EGFLAM: variants seen among roughly 807,000 people sequenced by gnomAD.
EGFLAM encodes EGF like, fibronectin type III and laminin G domains.
A neutral mutation model predicts 113.1 loss-of-function variants in EGFLAM; 79 were observed. The ratio of observed to expected loss-of-function variants is 0.70; its 90% confidence interval spans 0.58 to 0.84. EGFLAM has a LOEUF of 0.84. Ranked by LOEUF, EGFLAM falls within the 40% of genes least tolerant of loss-of-function variation. EGFLAM has a pLI of 0.00. For missense variants in EGFLAM, 1,265 were observed against 1,291.6 expected, an observed-to-expected ratio of 0.98 and a Z score of 0.32; for synonymous variants, 504 against 487.6, an observed-to-expected ratio of 1.03 and a Z score of -0.44.
chr5:38,398,243 A>G (rs1347225990), intron 6 of EGFLAM, among the ~76,000 whole-genome samples: 1 of 152,222 alleles, frequency 6.6e-6, no homozygotes, highest in African/African-American at 2.4e-5. Flanking sequence ...TTATGGCTAA[A>G]CTACTCCAAA....
At chr5:38,420,492 A>C (rs1164945141) in intron 12 of EGFLAM, among the ~76,000 whole-genome samples, 1 of 152,100 alleles carries the variant, frequency 6.6e-6, no homozygotes, top group African/African-American at 2.4e-5. Flanking sequence ...GGATTTGAAA[A>C]ATTTTTGCAA....
chr5:38,439,886 C>T (rs768915918), intron 17 of EGFLAM, among the ~76,000 whole-genome samples: 16 of 152,068 alleles, frequency 1.1e-4, no homozygotes, highest in South Asian at 2.1e-4. Flanking sequence ...TTGTGCTTGC[C>T]GTATATCTAA....
At chr5:38,343,575 T>G (rs753547066) in intron 3 of EGFLAM, among the ~76,000 whole-genome samples, 2 of 152,172 alleles carry the variant, frequency 1.3e-5, no homozygotes, top group Non-Finnish European at 2.9e-5. Flanking sequence ...CCAAAGCCAA[T>G]GCTGCCCCTG....
chr5:38,319,253 G>T (rs374093307), intron 1 of EGFLAM, among the ~76,000 whole-genome samples: 25 of 152,116 alleles, frequency 1.6e-4, no homozygotes, highest in African/African-American at 4.6e-4. Context: ...CAAGACAGGG[G>T]TCTGATGTGG....
chr5:38,462,085 G>T (rs1489503288), intron 20 of EGFLAM, among the ~76,000 whole-genome samples: 2 of 152,088 alleles, frequency 1.3e-5, no homozygotes, highest in Non-Finnish European at 2.9e-5. Flanking sequence ...GGAGAATGGC[G>T]TGAACCCCGG....
chr5:38,404,215 A>G (rs1294618112), intron 6 of EGFLAM, among the ~76,000 whole-genome samples: 2 of 152,168 alleles, frequency 1.3e-5, no homozygotes, highest in African/African-American at 4.8e-5. Flanking sequence ...GAGGAGTGCT[A>G]TGGTCGGAAT....
intron 5 of EGFLAM, among the ~76,000 whole-genome samples, chr5:38,360,120 G>A (rs1175934814): frequency 6.6e-6 from 1 of 152,208 alleles, no homozygotes; most frequent in Non-Finnish European, 1.5e-5. Context: ...CTCACAGGAA[G>A]TGACCCTGCA....
chr5:38,454,753 T>C (rs1046993605), intron 19 of EGFLAM, among the ~76,000 whole-genome samples: 1 of 152,178 alleles, frequency 6.6e-6, no homozygotes, highest in Non-Finnish European at 1.5e-5. Flanking sequence ...AGAGGAACCC[T>C]AAGATAATAA....
chr5:38,442,644 C>T (rs1742584187), intron 17 of EGFLAM, among the ~76,000 whole-genome samples: 1 of 152,130 alleles, frequency 6.6e-6, no homozygotes, highest in Non-Finnish European at 1.5e-5. Flanking sequence ...AGTCCTTCAG[C>T]TAATGACCAT....
At chr5:38,282,853 G>T (rs1758053239) in intron 1 of EGFLAM, among the ~76,000 whole-genome samples, 1 of 151,968 alleles carries the variant, frequency 6.6e-6, no homozygotes, top group Admixed American at 6.6e-5. Context: ...TTGCTTGTTT[G>T]TTTTTTTCTG....
At chr5:38,383,304 T>C (rs935490998) in intron 6 of EGFLAM, among the ~76,000 whole-genome samples, 31 of 152,330 alleles carry the variant, frequency 2.0e-4, no homozygotes, top group South Asian at 6.2e-4. Flanking sequence ...GGTACATACA[T>C]TTCTTTCCAA....
At chr5:38,395,732 G>A (rs928256405) in intron 6 of EGFLAM, among the ~76,000 whole-genome samples, 3 of 152,068 alleles carry the variant, frequency 2.0e-5, no homozygotes, top group Non-Finnish European at 2.9e-5. Context: ...GTGAGCCACC[G>A]ACAAGCTACA....
chr5:38,405,155 G>C (rs1026719386), intron 6 of EGFLAM, among the ~76,000 whole-genome samples: 2 of 151,766 alleles, frequency 1.3e-5, no homozygotes, highest in African/African-American at 4.8e-5. Flanking sequence ...ACCTTTTAGT[G>C]AAATACTTTG....
At chr5:38,434,117 A>G (rs562183656) in intron 15 of EGFLAM, among the ~76,000 whole-genome samples, 41 of 152,274 alleles carry the variant, frequency 2.7e-4, no homozygotes, top group African/African-American at 8.4e-4. Flanking sequence ...GGTAAAATTC[A>G]TGCTCGTAAT....
intron 1 of EGFLAM, among the ~76,000 whole-genome samples, chr5:38,266,327 A>G (rs1353824089): frequency 6.6e-6 from 1 of 152,198 alleles, no homozygotes; most frequent in Non-Finnish European, 1.5e-5. Flanking sequence ...TATGCTCCAT[A>G]ATCCTCAGTT....
intron 6 of EGFLAM, among the ~76,000 whole-genome samples, chr5:38,381,483 A>T (rs1388286394): frequency 6.6e-6 from 1 of 152,208 alleles, no homozygotes; most frequent in African/African-American, 2.4e-5. Context: ...AGAAAAGATG[A>T]CTTTTCTAGG....
intron 10 of EGFLAM, among the ~76,000 whole-genome samples, chr5:38,410,049 T>G (rs974501394): frequency 1.3e-5 from 2 of 152,236 alleles, no homozygotes; most frequent in Admixed American, 1.3e-4. Flanking sequence ...TCTCCAAGCC[T>G]GCCTTTCCTC....
At chr5:38,428,967 A>G (rs1179104011) in intron 14 of EGFLAM, among the ~76,000 whole-genome samples, 1 of 152,218 alleles carries the variant, frequency 6.6e-6, no homozygotes, top group Non-Finnish European at 1.5e-5. Context: ...TAAGCTAACA[A>G]CAGTGATTAC....
At chr5:38,351,860 G>C (rs1448878713) in intron 4 of EGFLAM, among the ~76,000 whole-genome samples, 2 of 152,110 alleles carry the variant, frequency 1.3e-5, no homozygotes, top group African/African-American at 4.8e-5. Context: ...GTGACAGAAG[G>C]TTTTCCAGGG....
Sources: allele counts gnomAD v4.1 joint callset (sites outside exome capture counted in the v4.1 genomes callset), GRCh38; gene constraint gnomAD v4.1.1; transcripts MANE v1.5; gene names NCBI Gene and HGNC (gene_info 2026-07-23, HGNC 2026-07-21).